Variants in PDE3B observed in about 807,000 individuals in gnomAD.
PDE3B encodes the protein cGMP-inhibited 3',5'-cyclic phosphodiesterase 3B.
A neutral mutation model predicts 116.8 loss-of-function variants in PDE3B; 66 were observed. That is an observed-to-expected ratio of 0.56 (90% CI 0.46 to 0.69). The LOEUF (loss-of-function observed/expected upper bound fraction) is 0.69, where lower values mean the gene tolerates loss of function less well. Among genes scored for constraint, PDE3B ranks in the 30% least tolerant of loss-of-function variants. PDE3B has a pLI of 0.00. For missense variants in PDE3B, 1,384 were observed against 1,368.1 expected, an observed-to-expected ratio of 1.01 and a Z score of -0.18; for synonymous variants, 595 against 533.6, an observed-to-expected ratio of 1.12 and a Z score of -1.59.
chr11:14,755,643 G>A (rs1015288920), intron 1 of PDE3B, among the ~76,000 whole-genome samples: 1 of 152,106 alleles, frequency 6.6e-6, no homozygotes, highest in Non-Finnish European at 1.5e-5. Flanking sequence ...CAATTAAAAT[G>A]AAATACTCTT....
At chr11:14,669,004 A>C (rs529438402) in intron 1 of PDE3B, among the ~76,000 whole-genome samples, 2 of 152,302 alleles carry the variant, frequency 1.3e-5, no homozygotes, top group East Asian at 3.9e-4. Context: ...TGGCACACTC[A>C]AATGGCTAAA....
chr11:14,806,447 CAA>C (rs995285976), intron 5 of PDE3B, among the ~76,000 whole-genome samples: 1 of 130,828 alleles, frequency 7.6e-6, no homozygotes. Flanking sequence ...GACTCTGTCT[CAA>C]AAAAAAAAAA....
intron 7 of PDE3B, among the ~76,000 whole-genome samples, chr11:14,824,673 C>T (rs944085875): frequency 2.0e-5 from 3 of 152,062 alleles, no homozygotes; most frequent in Non-Finnish European, 4.4e-5. Context: ...CATTGACATC[C>T]CTGACAGGAG....
At chr11:14,771,899 T>A (rs775071102) in intron 1 of PDE3B, 38 bp from the exon 2 acceptor site, 1 of 972,822 alleles carries the variant, frequency 1.0e-6, no homozygotes, top group Non-Finnish European at 1.5e-6. Context: ...CTTTTTTGTT[T>A]ATTTTTGGTT....
At chr11:14,697,071 G>C (rs1284434253) in intron 1 of PDE3B, among the ~76,000 whole-genome samples, 3 of 151,736 alleles carry the variant, frequency 2.0e-5, no homozygotes, top group Non-Finnish European at 4.4e-5. Flanking sequence ...CTTGTAATTG[G>C]GACCACTGTG....
In PDE3B at chr11:14,846,361, A is replaced by T. The variant is rs1042544176; in HGVS notation, c.2520+2335A>T. ...GAAGCACTAAACATGGAAAGGAACA[A>T]CTGGTACCAGCCACTGCAAAATCAT... On this transcript the variant is annotated intron_variant, in intron 12 of 15. Transcript: ENST00000282096. 2.8e-3 allele frequency among the ~76,000 whole-genome samples: 431 copies of T among 152,318 alleles called. 1 individual carries two copies. Among genetic ancestry groups the T allele is most frequent in the South Asian group, 1.0e-2 (48 of 4,820 alleles).
chr11:14,673,239 C>T (rs1282191716), intron 1 of PDE3B, among the ~76,000 whole-genome samples: 1 of 151,276 alleles, frequency 6.6e-6, no homozygotes, highest in East Asian at 1.9e-4. Context: ...CACTAGGAAT[C>T]AGAGTATTTT....
the PDE3B span, among the ~76,000 whole-genome samples, chr11:14,897,913 C>A: frequency 6.6e-6 from 1 of 152,196 alleles, no homozygotes; most frequent in African/African-American, 2.4e-5. Context: ...TCAGCATTCA[C>A]CTTGCAGGGC....
At chr11:14,855,419 G>A (rs549477546) in intron 12 of PDE3B, among the ~76,000 whole-genome samples, 2 of 152,104 alleles carry the variant, frequency 1.3e-5, no homozygotes, top group East Asian at 3.9e-4. Context: ...AACTGTCATT[G>A]TATTTTAGCA....
intron 1 of PDE3B, among the ~76,000 whole-genome samples, chr11:14,680,315 T>C (rs1025947725): frequency 6.6e-6 from 1 of 152,192 alleles, no homozygotes; most frequent in Non-Finnish European, 1.5e-5. Flanking sequence ...GTTGCATGTA[T>C]CCAGGCTTTG....
At chr11:14,886,008 C>A in the PDE3B span, 1 of 1,293,048 alleles carries the variant, frequency 7.7e-7, no homozygotes, top group Non-Finnish European at 1.1e-6. Context: ...TGCGGCTCTT[C>A]CAGGATTTGT....
At chr11:14,843,152 T>C (rs918137259) in intron 11 of PDE3B, among the ~76,000 whole-genome samples, 1 of 152,192 alleles carries the variant, frequency 6.6e-6, no homozygotes, top group African/African-American at 2.4e-5. Context: ...GGTAAGATAT[T>C]AAGACACCAG....
chr11:14,845,236 A>T (rs932291079), intron 12 of PDE3B, among the ~76,000 whole-genome samples: 1 of 152,042 alleles, frequency 6.6e-6, no homozygotes, highest in Non-Finnish European at 1.5e-5. Flanking sequence ...CAGGGTCTGG[A>T]GTGCACCTCT....
At chr11:14,686,997 G>A (rs1854897922) in intron 1 of PDE3B, among the ~76,000 whole-genome samples, 1 of 152,160 alleles carries the variant, frequency 6.6e-6, no homozygotes, top group Non-Finnish European at 1.5e-5. Flanking sequence ...ACAGGCGTGA[G>A]CCACCACGCC....
intron 5 of PDE3B, among the ~76,000 whole-genome samples, chr11:14,817,443 GAAAAAA>G (rs906324142): frequency 6.6e-6 from 1 of 150,672 alleles, no homozygotes; most frequent in Non-Finnish European, 1.5e-5. Context: ...AATTAAAAAA[GAAAAAA>G]AAAGAATTTT....
At chr11:14,881,322 G>A in the PDE3B span, among the ~76,000 whole-genome samples, 2 of 152,054 alleles carry the variant, frequency 1.3e-5, no homozygotes, top group Non-Finnish European at 1.5e-5. Context: ...CAAAAAAAGG[G>A]CAAACATGAA....
At chr11:14,891,272 G>C in the PDE3B span, 1 of 985,218 alleles carries the variant, frequency 1.0e-6, no homozygotes, top group Non-Finnish European at 1.2e-6. Context: ...AGTTTTAAAT[G>C]AGTCACCAAG....
At chr11:14,712,714 A>G (rs1855746827) in intron 1 of PDE3B, among the ~76,000 whole-genome samples, 1 of 152,120 alleles carries the variant, frequency 6.6e-6, no homozygotes, top group Non-Finnish European at 1.5e-5. Flanking sequence ...ACCTCAAGTG[A>G]TCCTCCTGCC....
At chr11:14,806,202 C>G (rs1858915312) in intron 5 of PDE3B, among the ~76,000 whole-genome samples, 1 of 151,840 alleles carries the variant, frequency 6.6e-6, no homozygotes, top group African/African-American at 2.4e-5. Flanking sequence ...CCTGTAATCC[C>G]AGCACTTTGG....
Sources: gnomAD v4.1 joint callset for allele counts (sites outside exome capture counted in the v4.1 genomes callset) on GRCh38, gnomAD v4.1.1 for gene constraint, MANE v1.5 for transcripts, NCBI Gene and HGNC (gene_info 2026-07-23, HGNC 2026-07-21) for gene names.